The following FHIT variants were observed in gnomAD, a reference collection of about 807,000 sequenced individuals.
The protein encoded by FHIT is fragile histidine triad diadenosine triphosphatase.
FHIT carries 19 observed loss-of-function variants against 17.9 expected under a neutral mutation model. The ratio of observed to expected loss-of-function variants is 1.06; its 90% CI spans 0.74 to 1.56. The LOEUF (loss-of-function observed/expected upper bound fraction) is 1.56. FHIT is among the 40% of genes most tolerant of loss of function. FHIT has a pLI of 0.00. For missense variants in FHIT, 248 were observed against 189.2 expected (o/e 1.31, Z -1.82); for synonymous variants, 81 against 69.7 (o/e 1.16, Z -0.81).
chr3:59,873,977 T>C (rs1373635282), intron 8 of FHIT, among the ~76,000 whole-genome samples: 1 of 152,132 alleles, frequency 6.6e-6, no homozygotes, highest in African/African-American at 2.4e-5. Context: ...CTTTTTTTTT[T>C]CTGGTGAACC....
chr3:60,350,902 C>G (rs950354859), intron 5 of FHIT, among the ~76,000 whole-genome samples: 1 of 152,160 alleles, frequency 6.6e-6, no homozygotes, highest in Non-Finnish European at 1.5e-5. Flanking sequence ...CAAACTCACT[C>G]GAGAGTCTCT....
At chr3:60,418,236 G>T (rs764849111) in intron 5 of FHIT, among the ~76,000 whole-genome samples, 3 of 151,368 alleles carry the variant, frequency 2.0e-5, no homozygotes, top group Admixed American at 1.3e-4. Context: ...AATCAAAAAG[G>T]CTTCAGAGAA....
chr3:60,299,155 C>T lies in FHIT; in HGVS notation c.103+237705G>A, dbSNP rs116609688. On this transcript the variant is annotated intron_variant, in intron 5 of 9. Coordinates refer to ENST00000492590, the MANE Select transcript of FHIT (RefSeq NM_002012.4). Reference sequence around the variant, plus strand: ...CAGCCGTGACGATCCTCAAGCTCTGCACTAGGATAAACTCCACATTTAATC... The same window carrying T: ...CAGCCGTGACGATCCTCAAGCTCTGTACTAGGATAAACTCCACATTTAATC... Among the ~76,000 whole-genome samples, 710 of 152,190 alleles carry T rather than the reference C, an allele frequency of 4.7e-3. 5 individuals carry two copies. The highest frequency in any genetic ancestry group is 0.016 in the African/African-American group (679 of 41,524).
chr3:60,284,074 A>G (rs1707598373), intron 5 of FHIT, among the ~76,000 whole-genome samples: 4 of 152,138 alleles, frequency 2.6e-5, no homozygotes, highest in Non-Finnish European at 4.4e-5. Flanking sequence ...TCAGAATCAT[A>G]AAAAGATAGG....
intron 3 of FHIT, among the ~76,000 whole-genome samples, chr3:60,936,295 C>T (rs1426323413): frequency 6.6e-6 from 1 of 152,148 alleles, no homozygotes; most frequent in Non-Finnish European, 1.5e-5. Context: ...ATTTACTATC[C>T]ATTTCTCTTC....
At chr3:60,315,077 G>A (rs919910256) in intron 5 of FHIT, among the ~76,000 whole-genome samples, 1 of 152,102 alleles carries the variant, frequency 6.6e-6, no homozygotes, top group Non-Finnish European at 1.5e-5. Context: ...TTATGAGGAA[G>A]CCCAAGACAG....
chr3:59,752,278 G>A lies in FHIT; in HGVS notation c.392C>T (p.Ser131Leu). ...GGCTTCTGCTGCCATTTCCTCCTCTGATCTCCAAGAGGCAGGAAAGTCCTC... is the reference window on the plus strand; with the variant it reads ...GGCTTCTGCTGCCATTTCCTCCTCTAATCTCCAAGAGGCAGGAAAGTCCTC... Reference protein sequence around the residue: ...DKEDFPASWRSEEEMAAEAAA... With the variant: ...DKEDFPASWRLEEEMAAEAAA... Residue 131 changes from serine to leucine, a missense_variant, in exon 9 of 10, where the codon TCA becomes TTA. Ser to Leu is a moderately radical substitution (Grantham distance 145). Coordinates refer to ENST00000492590, the MANE Select transcript of FHIT (RefSeq NM_002012.4). 6.2e-7 allele frequency: 1 copy of A among 1,612,992 alleles called. No homozygotes were observed. Among genetic ancestry groups the A allele is most frequent in the East Asian group, 2.2e-5 (1 of 44,784 alleles).
chr3:59,852,181 G>A (rs1701968319), intron 8 of FHIT, among the ~76,000 whole-genome samples: 1 of 152,170 alleles, frequency 6.6e-6, no homozygotes, highest in Non-Finnish European at 1.5e-5. Flanking sequence ...GAGGCCTTCA[G>A]TGTAAGCTCT....
At chr3:60,815,354 G>A (rs553364753) in intron 4 of FHIT, among the ~76,000 whole-genome samples, 1 of 152,010 alleles carries the variant, frequency 6.6e-6, no homozygotes, top group African/African-American at 2.4e-5. Flanking sequence ...TTTCCTCTAG[G>A]ATTCTCATAC....
chr3:60,744,136 A>G (rs1466253116), intron 4 of FHIT, among the ~76,000 whole-genome samples: 1 of 151,918 alleles, frequency 6.6e-6, no homozygotes, highest in Non-Finnish European at 1.5e-5. Context: ...CTACTATTTC[A>G]ATGCCTGGTA....
chr3:59,933,902 T>A (rs941671345), intron 7 of FHIT, among the ~76,000 whole-genome samples: 1 of 152,154 alleles, frequency 6.6e-6, no homozygotes, highest in South Asian at 2.1e-4. Flanking sequence ...TTTTAAAGAA[T>A]GGGCTACTAA....
At chr3:60,447,342 T>C (rs1385989725) in intron 5 of FHIT, among the ~76,000 whole-genome samples, 1 of 152,110 alleles carries the variant, frequency 6.6e-6, no homozygotes, top group East Asian at 1.9e-4. Context: ...CCCCAAGAAA[T>C]AATGTTTTTA....
intron 4 of FHIT, among the ~76,000 whole-genome samples, chr3:60,551,337 T>C (rs987230858): frequency 6.8e-6 from 1 of 147,164 alleles, no homozygotes; most frequent in Non-Finnish European, 1.5e-5. Context: ...ACATTAAAAA[T>C]CATCTCAGGA....
intron 4 of FHIT, among the ~76,000 whole-genome samples, chr3:60,788,456 T>C (rs1180822693): frequency 1.3e-5 from 2 of 152,214 alleles, no homozygotes; most frequent in Admixed American, 1.3e-4. Context: ...AGAATGTATA[T>C]GTGTATATAT....
chr3:60,311,767 T>C (rs565831321), intron 5 of FHIT, among the ~76,000 whole-genome samples: 1 of 152,314 alleles, frequency 6.6e-6, no homozygotes, highest in South Asian at 2.1e-4. Flanking sequence ...CTCAATAAAA[T>C]GACACATACA....
At chr3:59,843,237 A>G (rs1701594896) in intron 8 of FHIT, among the ~76,000 whole-genome samples, 1 of 152,140 alleles carries the variant, frequency 6.6e-6, no homozygotes, top group African/African-American at 2.4e-5. Flanking sequence ...GTGAAGGTTT[A>G]CTTTTGGACT....
At chr3:59,840,313 G>C (rs1701486116) in intron 8 of FHIT, among the ~76,000 whole-genome samples, 1 of 150,626 alleles carries the variant, frequency 6.6e-6, no homozygotes. Context: ...GGGGCCCTTT[G>C]ATAAGGATGG....
At chr3:60,315,940 T>C (rs1709146152) in intron 5 of FHIT, among the ~76,000 whole-genome samples, 1 of 152,176 alleles carries the variant, frequency 6.6e-6, no homozygotes, top group South Asian at 2.1e-4. Context: ...CTAGCAAATA[T>C]TGAGGCAAAA....
chr3:60,611,131 G>GTCT lies in FHIT; in HGVS notation c.-17-74155_-17-74153dup, dbSNP rs1489758654. 6.6e-5 allele frequency among the ~76,000 whole-genome samples: 10 copies of GTCT among 152,252 alleles called. 1 individual carries two copies. The South Asian group carries it at 1.2e-3, about 19-fold the overall frequency. On this transcript the variant is annotated intron_variant, in intron 4 of 9. Coordinates refer to ENST00000492590, the MANE Select transcript of FHIT (RefSeq NM_002012.4). ...AGTAATTGTGGCTCATCTCATAGTT[G>GTCT]TCTTCTCATCCTGCTGAGATTCATT...
Sources: gnomAD v4.1 joint callset for allele counts (sites outside exome capture counted in the v4.1 genomes callset) on GRCh38, gnomAD v4.1.1 for gene constraint, MANE v1.5 for transcripts, NCBI Gene and HGNC (gene_info 2026-07-23, HGNC 2026-07-21) for gene names.